Variants in PXDN observed in about 807,000 individuals in gnomAD.
PXDN encodes peroxidasin, also known as peroxidasin homolog.
PXDN carries 77 observed loss-of-function variants against 140.3 expected under a neutral mutation model. The observed-to-expected ratio is 0.55, with a 90% CI of 0.46 to 0.66. The LOEUF (loss-of-function observed/expected upper bound fraction) is 0.66. PXDN is among the 30% of genes least tolerant of loss of function. The pLI is 0.00. For missense variants in PXDN, 1,838 were observed against 2,039.5 expected, an observed-to-expected ratio of 0.90 and a Z score of 1.90; for synonymous variants, 911 against 857.4, an observed-to-expected ratio of 1.06 and a Z score of -1.09.
chr2:1,643,680 A>G, intron 18 of PXDN, 104 bp from the exon 19 acceptor site: 2 of 1,210,404 alleles, frequency 1.7e-6, no homozygotes, highest in Non-Finnish European at 1.2e-6. Flanking sequence ...GCAATACAGA[A>G]ACCACTAGGT....
At chr2:1,732,106 T>C (rs1383018543) in intron 1 of PXDN, among the ~76,000 whole-genome samples, 1 of 152,066 alleles carries the variant, frequency 6.6e-6, no homozygotes, top group Admixed American at 6.6e-5. Context: ...TGACAAAATA[T>C]ATGAAGCAAC....
intron 1 of PXDN, among the ~76,000 whole-genome samples, 188 bp downstream of exon 1, chr2:1,744,068 G>A (rs1685627337): frequency 6.6e-6 from 1 of 151,734 alleles, no homozygotes; most frequent in African/African-American, 2.4e-5. Flanking sequence ...AAGGCCCAGC[G>A]GGTCCCCGCG....
intron 1 of PXDN, among the ~76,000 whole-genome samples, chr2:1,716,157 G>A (rs1467142691): frequency 6.6e-6 from 1 of 152,122 alleles, no homozygotes; most frequent in Non-Finnish European, 1.5e-5. Flanking sequence ...AGGGTGGTGG[G>A]CCGGGCACAG....
chr2:1,705,646 CCT>C lies in PXDN; in HGVS notation c.201-12514_201-12513del, dbSNP rs1424951025. Among the ~76,000 whole-genome samples the C allele has an allele frequency of 1.4e-4, 19 of 138,320 alleles. No homozygotes were observed. The Admixed American group carries it at 1.4e-3, about 10-fold the overall frequency. The allele number at this position is 138,320 out of a possible 152,430, so 90.7% of individuals were successfully genotyped here. On this transcript the variant is annotated intron_variant, in intron 1 of 22. Transcript: ENST00000252804. ...GGACGCAGGGTGCAGGGTGCAGCTC[CCT>C]GTGACCTGGGACGCAGGGTGCAGAG...
intron 1 of PXDN, among the ~76,000 whole-genome samples, chr2:1,728,527 G>A (rs1317472458): frequency 6.6e-6 from 1 of 152,236 alleles, no homozygotes; most frequent in Non-Finnish European, 1.5e-5. Flanking sequence ...CAGGTCCACA[G>A]CTGAGCTGGT....
intron 1 of PXDN, 70 bp from the exon 2 acceptor site, chr2:1,693,204 C>T (rs1472979060): frequency 2.3e-6 from 3 of 1,276,926 alleles, no homozygotes; most frequent in African/African-American, 3.0e-5. Context: ...ATTTGCTGCT[C>T]TTAGTTTCAA....
In PXDN at chr2:1,648,243, T is replaced by C; in HGVS notation, c.3537A>G (p.Leu1179=). 6.2e-7 allele frequency: 1 copy of C among 1,613,920 alleles called. No individual in the cohort carries two copies. The highest frequency in any genetic ancestry group is 1.7e-5 in the Admixed American group (1 of 60,024). The change falls in exon 17 of 23, where the codon CTA becomes CTG. Residue 1179 remains leucine (L), a synonymous_variant. Coordinates refer to ENST00000252804, the MANE Select transcript of PXDN (RefSeq NM_012293.3). The surrounding 1 kb of genome is among the most constrained non-coding windows in gnomAD (Gnocchi z 8.9). ...PYHDYRVYCN[L]SAAHTFEDLK... ...GGTCCTCGAACGTGTGTGCCGCCGA[T>C]AGATTGCAGTAGACCCTGTAGTCGT...
chr2:1,659,686 T>C (rs1683258360), intron 14 of PXDN, among the ~76,000 whole-genome samples: 1 of 152,220 alleles, frequency 6.6e-6, no homozygotes. Flanking sequence ...AATCTACTGG[T>C]TTTTAAGTTT....
Position 1,685,388 on chromosome 2 carries a change from C to T in PXDN, c.417-1237G>A, listed in dbSNP as rs1165036427. On this transcript the variant is annotated intron_variant, in intron 4 of 22. Coordinates refer to ENST00000252804, the MANE Select transcript of PXDN (RefSeq NM_012293.3). This position sits in a 1 kb window ranked among gnomAD's most constrained non-coding sequence, Gnocchi z 5.1. The stretch of plus-strand genomic sequence containing the variant: ...CGCGGGTCCCGAGGAAGGCCGAACC[C>T]GACAGAATCCCTGGAGCCTCGTCTC... Among the ~76,000 whole-genome samples, 3 of 152,202 alleles carry T rather than the reference C, an allele frequency of 2.0e-5. No homozygotes were observed. Among genetic ancestry groups the T allele is most frequent in the Admixed American group, 6.5e-5 (1 of 15,280 alleles).
intron 9 of PXDN, among the ~76,000 whole-genome samples, chr2:1,668,387 C>T (rs1426559240): frequency 6.6e-6 from 1 of 152,130 alleles, no homozygotes; most frequent in Non-Finnish European, 1.5e-5. Flanking sequence ...AGGACACAGG[C>T]ATGGGCAAAG....
intron 16 of PXDN, chr2:1,653,049 G>A (rs546028121): frequency 5.0e-6 from 1 of 200,676 alleles, no homozygotes; most frequent in East Asian, 1.2e-4. Flanking sequence ...TTCATCAATA[G>A]TACTACTACC....
intron 7 of PXDN, among the ~76,000 whole-genome samples, chr2:1,678,574 G>C (rs572169193): frequency 6.6e-6 from 1 of 152,352 alleles, no homozygotes; most frequent in South Asian, 2.1e-4. Flanking sequence ...AAGGCCATGA[G>C]TCGGTTTCTT....
At chr2:1,701,964 C>G (rs1684445698) in intron 1 of PXDN, among the ~76,000 whole-genome samples, 1 of 152,178 alleles carries the variant, frequency 6.6e-6, no homozygotes, top group African/African-American at 2.4e-5. Flanking sequence ...CTTCCAGCCT[C>G]CAGAGCTGCA....
In PXDN at chr2:1,632,083, C is replaced by T. The variant is rs983499037; in HGVS notation, c.*2121G>A. On this transcript the variant is annotated 3_prime_UTR_variant, in exon 23 of 23. Transcript: ENST00000252804. The surrounding 1 kb of genome is among the most constrained non-coding windows in gnomAD (Gnocchi z 4.3). The stretch of plus-strand genomic sequence containing the variant: ...ACAGTGGCTGCTAGACACGTTCACC[C>T]AGGCACTGCCCACTGTTCTGATTAC... 6.6e-6 allele frequency: 1 copy of T among 152,598 alleles called. No homozygotes were observed. Among genetic ancestry groups the T allele is most frequent in the Non-Finnish European group, 1.5e-5 (1 of 68,050 alleles). 9.5% of individuals were successfully genotyped at this position (152,598 alleles called of 1,614,324 possible).
chr2:1,658,026 G>GGC (rs1683191897), intron 14 of PXDN, among the ~76,000 whole-genome samples: 1 of 83,606 alleles, frequency 1.2e-5, no homozygotes, highest in Non-Finnish European at 2.2e-5. Flanking sequence ...TTCAGCTGTG[G>GGC]GCTCTCTCTC....
chr2:1,736,720 C>T (rs187912707), intron 1 of PXDN, among the ~76,000 whole-genome samples: 1 of 151,968 alleles, frequency 6.6e-6, no homozygotes, highest in Non-Finnish European at 1.5e-5. Context: ...TGCCTATAGT[C>T]CCAGCTACTC....
intron 14 of PXDN, among the ~76,000 whole-genome samples, chr2:1,658,834 A>C (rs1175817745): frequency 5.8e-5 from 5 of 86,626 alleles, no homozygotes; most frequent in Non-Finnish European, 6.6e-5. Flanking sequence ...GCCACCCCCC[A>C]TCTCCCCGCG....
At chr2:1,683,955 G>A in intron 5 of PXDN, 125 bp downstream of exon 5, 1 of 1,057,632 alleles carries the variant, frequency 9.5e-7, no homozygotes, top group South Asian at 1.5e-5. Flanking sequence ...TGTTAGACTA[G>A]AAATATGGAT....
chr2:1,648,097 T>A lies in PXDN; in HGVS notation c.3608+75A>T. The A allele has an allele frequency of 6.6e-7, 1 of 1,523,744 alleles. No homozygotes were observed. Among genetic ancestry groups the A allele is most frequent in the East Asian group, 2.3e-5 (1 of 44,148 alleles). The allele number at this position is 1,523,744 out of a possible 1,614,324, so 94.4% of individuals were successfully genotyped here. A position where few individuals can be genotyped will look rare whatever the true frequency, so the allele number is the denominator to read the frequency against. On this transcript the variant is annotated intron_variant, in intron 17 of 22. Coordinates refer to ENST00000252804, the MANE Select transcript of PXDN (RefSeq NM_012293.3). The surrounding 1 kb of genome is among the most constrained non-coding windows in gnomAD (Gnocchi z 8.9). ...AACAAAACTCACACACAGAGACAAA[T>A]AACACACACACCACAGTTCAGGTGT...
Sources: gnomAD v4.1 joint callset for allele counts (sites outside exome capture counted in the v4.1 genomes callset) on GRCh38, gnomAD v4.1.1 for gene constraint, Gnocchi (gnomAD v3.1) non-coding constraint, MANE v1.5 for transcripts, NCBI Gene and HGNC (gene_info 2026-07-23, HGNC 2026-07-21) for gene names.